TOM1: variants seen among roughly 807,000 people sequenced by gnomAD.
TOM1 encodes target of Myb protein 1.
A neutral mutation model predicts 61.3 loss-of-function variants in TOM1; 38 were observed. The ratio of observed to expected loss-of-function variants is 0.62; its 90% CI spans 0.48 to 0.81. TOM1 has a LOEUF of 0.81. Ranked by LOEUF, TOM1 falls within the 40% of genes least tolerant of loss-of-function variation. TOM1 has a pLI of 0.00. For missense variants in TOM1, 591 were observed against 659.6 expected, an observed-to-expected ratio of 0.90 and a Z score of 1.14; for synonymous variants, 270 against 268.8, an observed-to-expected ratio of 1.00 and a Z score of -0.04.
At chr22:35,339,185 G>C (rs1929658240) in intron 12 of TOM1, among the ~76,000 whole-genome samples, 1 of 152,144 alleles carries the variant, frequency 6.6e-6, no homozygotes, top group East Asian at 1.9e-4. Flanking sequence ...ACAAAAATTA[G>C]CTGGGCGTGG....
At chr22:35,342,962 CACA>C (rs1246027652) in intron 12 of TOM1, among the ~76,000 whole-genome samples, 13 of 96,268 alleles carry the variant, frequency 1.4e-4, no homozygotes, top group South Asian at 6.0e-4. Flanking sequence ...CACCCCTACA[CACA>C]CCACACCTAC....
rs373497265 is a variant in TOM1, at chr22:35,323,474, G to A, written c.367-22G>A. The stretch of plus-strand genomic sequence containing the variant: ...CACAGGTGAGCTGTGGTTACCGGCT[G>A]TGTCCCCTTGTCCCCTCTCAGTCCT... On this transcript the variant is annotated intron_variant, in intron 4 of 14. Transcript: ENST00000449058. This position sits in a 1 kb window ranked among gnomAD's most constrained non-coding sequence, Gnocchi z 4.2. 1.7e-5 allele frequency: 28 copies of A among 1,612,854 alleles called. No homozygotes were observed. The highest frequency in any genetic ancestry group is 2.2e-5 in the East Asian group (1 of 44,864).
intron 12 of TOM1, among the ~76,000 whole-genome samples, chr22:35,339,026 G>A (rs1159828718): frequency 2.6e-5 from 4 of 152,234 alleles, no homozygotes; most frequent in Non-Finnish European, 5.9e-5. Context: ...TCAGACCTGA[G>A]CCTGACTTGA....
chr22:35,322,804 C>T (rs912411233), intron 3 of TOM1, among the ~76,000 whole-genome samples: 3 of 152,168 alleles, frequency 2.0e-5, no homozygotes, highest in African/African-American at 7.2e-5. Context: ...GAAGTCCAGC[C>T]CACACACCAT....
intron 12 of TOM1, among the ~76,000 whole-genome samples, chr22:35,341,578 C>T (rs978709057): frequency 3.9e-5 from 6 of 152,286 alleles, no homozygotes; most frequent in African/African-American, 1.4e-4. Flanking sequence ...GCCACCTGGC[C>T]TCTCGTGGTC....
At chr22:35,312,750 A>T (rs1423662972) in intron 1 of TOM1, among the ~76,000 whole-genome samples, 2 of 152,226 alleles carry the variant, frequency 1.3e-5, no homozygotes, top group Non-Finnish European at 1.5e-5. Flanking sequence ...TGCAGACAGA[A>T]GCTCAGAGGC....
chr22:35,318,992 TCA>T (rs754513314), intron 2 of TOM1, among the ~76,000 whole-genome samples: 88 of 152,024 alleles, frequency 5.8e-4, no homozygotes, highest in Non-Finnish European at 1.0e-3. Flanking sequence ...GGCATCTGAG[TCA>T]CACAGTCAAG....
chr22:35,321,707 C>T (rs1357490357), intron 2 of TOM1: 2 of 605,592 alleles, frequency 3.3e-6, no homozygotes, highest in Non-Finnish European at 6.3e-6. Context: ...CCAGGTTCTG[C>T]ACTTTTAACA....
At chr22:35,307,420 T>C (rs1926416606) in intron 1 of TOM1, among the ~76,000 whole-genome samples, 1 of 152,200 alleles carries the variant, frequency 6.6e-6, no homozygotes, top group African/African-American at 2.4e-5. Flanking sequence ...TGAGCCCACC[T>C]GGCATGATCC....
chr22:35,338,672 G>A (rs761710485), intron 11 of TOM1, 41 bp from the exon 12 acceptor site: 29 of 1,493,802 alleles, frequency 1.9e-5, no homozygotes, highest in Middle Eastern at 3.5e-4. Flanking sequence ...ATCAGCCATC[G>A]GTAAGGGCAG....
intron 1 of TOM1, among the ~76,000 whole-genome samples, chr22:35,316,559 C>T (rs1243760690): frequency 6.6e-6 from 1 of 152,240 alleles, no homozygotes; most frequent in Admixed American, 6.5e-5. Context: ...TGCTTGCTAC[C>T]ATGCAGACCT....
At chr22:35,335,318 C>G (rs1929213417) in intron 11 of TOM1, among the ~76,000 whole-genome samples, 1 of 152,158 alleles carries the variant, frequency 6.6e-6, no homozygotes, top group Non-Finnish European at 1.5e-5. Context: ...GTCAATGGGC[C>G]TCCAGAGAGC....
intron 1 of TOM1, among the ~76,000 whole-genome samples, chr22:35,311,456 C>T (rs1926814925): frequency 6.6e-6 from 1 of 152,228 alleles, no homozygotes; most frequent in Non-Finnish European, 1.5e-5. Context: ...CTTTCTTGTT[C>T]TGTCCTTAGC....
chr22:35,343,280 TACAC>T (rs1208651581), intron 12 of TOM1, among the ~76,000 whole-genome samples: 1 of 103,888 alleles, frequency 9.6e-6, no homozygotes, highest in Non-Finnish European at 1.9e-5. Context: ...CTCATACACC[TACAC>T]ACACAGCCCT....
chr22:35,336,971 C>G (rs1458822610), intron 11 of TOM1, among the ~76,000 whole-genome samples: 2 of 149,624 alleles, frequency 1.3e-5, no homozygotes, highest in Admixed American at 1.3e-4. Flanking sequence ...GCCGGAGTCT[C>G]GCTCTGTCTC....
At chr22:35,332,293 A>G (rs564205007) in intron 8 of TOM1, among the ~76,000 whole-genome samples, 2 of 152,256 alleles carry the variant, frequency 1.3e-5, no homozygotes, top group Admixed American at 6.5e-5. Context: ...TCAGATATCC[A>G]CAGTCATTAG....
chr22:35,309,793 G>C (rs948534512), intron 1 of TOM1, among the ~76,000 whole-genome samples: 2 of 152,086 alleles, frequency 1.3e-5, no homozygotes, highest in Admixed American at 1.3e-4. Context: ...TTTCATCCTC[G>C]TGCTTGCATT....
chr22:35,345,517 G>C (rs1023020272), intron 12 of TOM1: 2 of 603,258 alleles, frequency 3.3e-6, no homozygotes, highest in African/African-American at 3.7e-5. Context: ...TCCAGCTGCT[G>C]GGAGCCTGGT....
chr22:35,339,767 G>A (rs4820190), intron 12 of TOM1, among the ~76,000 whole-genome samples: 120,063 of 149,874 alleles, frequency 0.8, 48,272 homozygotes, highest in South Asian at 0.88. Flanking sequence ...AGCCGGGCGT[G>A]GTGGCGGGCG....
Sources: allele counts gnomAD v4.1 joint callset (sites outside exome capture counted in the v4.1 genomes callset), GRCh38; gene constraint gnomAD v4.1.1; non-coding constraint Gnocchi (gnomAD v3.1); transcripts MANE v1.5; gene names NCBI Gene and HGNC (gene_info 2026-07-23, HGNC 2026-07-21).